Variants in FBLN5 observed in about 807,000 individuals in gnomAD.
FBLN5 encodes fibulin 5.
In FBLN5, 24 loss-of-function variants were observed where a neutral mutation model predicts 61.6. The observed-to-expected ratio is 0.39, with a 90% CI of 0.28 to 0.55. The LOEUF is 0.55. Among genes scored for constraint, FBLN5 ranks in the 20% least tolerant of loss-of-function variants. The probability of loss-of-function intolerance (pLI) is 0.65; values close to 1 mark genes in which losing one functional copy is unlikely to be tolerated. For synonymous variants in FBLN5, 213 were observed against 219.8 expected (o/e 0.97, Z 0.27); for missense variants, 470 against 594.1 (o/e 0.79, Z 2.17).
At chr14:91,877,725 C>T (rs1889239354) in intron 9 of FBLN5, 43 bp from the exon 10 acceptor site, 1 of 1,520,592 alleles carries the variant, frequency 6.6e-7, no homozygotes, top group Admixed American at 1.7e-5. Flanking sequence ...AAATCCATTC[C>T]AGGTGCTGGC....
chr14:91,923,085 A>G (rs1260925089), intron 4 of FBLN5, among the ~76,000 whole-genome samples: 2 of 152,180 alleles, frequency 1.3e-5, no homozygotes, highest in East Asian at 3.9e-4. Flanking sequence ...CCTGGTTGTC[A>G]TAAGCATCTT....
Position 91,947,271 on chromosome 14 carries a change from G to C in FBLN5, c.-42C>G. 2 of 1,613,934 alleles carry C rather than the reference G, an allele frequency of 1.2e-6. No homozygotes were observed. Among genetic ancestry groups the C allele is most frequent in the Non-Finnish European group, 1.7e-6 (2 of 1,179,892 alleles). ...GAGGAGATGCGAAGGCGAGAAGAAA[G>C]CTCGCGGGCGGGACCCCCGGAGGAG... On this transcript the variant is annotated 5_prime_UTR_variant, in exon 1 of 11. Transcript: ENST00000342058. The surrounding 1 kb of genome is among the most constrained non-coding windows in gnomAD (Gnocchi z 4.3).
At chr14:91,893,070 G>A (rs1375778055) in intron 5 of FBLN5, among the ~76,000 whole-genome samples, 2 of 152,040 alleles carry the variant, frequency 1.3e-5, no homozygotes, top group African/African-American at 4.8e-5. Flanking sequence ...GGTATAGCCC[G>A]GTCTCCCCCT....
chr14:91,891,379 C>T (rs1055718757), intron 5 of FBLN5, 42 bp from the exon 6 acceptor site: 3 of 1,208,898 alleles, frequency 2.5e-6, no homozygotes, highest in African/African-American at 3.0e-5. Context: ...GGTCTCCTCA[C>T]TCAATGATGC....
chr14:91,903,696 G>A (rs976528570), intron 4 of FBLN5, among the ~76,000 whole-genome samples: 1 of 152,062 alleles, frequency 6.6e-6, no homozygotes, highest in East Asian at 1.9e-4. Flanking sequence ...CAGTGCCACC[G>A]TTTTCCAGTG....
At chr14:91,891,747 T>C (rs1370093183) in intron 5 of FBLN5, among the ~76,000 whole-genome samples, 3 of 152,182 alleles carry the variant, frequency 2.0e-5, no homozygotes, top group South Asian at 4.1e-4. Context: ...ATTTATCCAA[T>C]GTTAAGATTC....
In FBLN5 at chr14:91,879,481, C is replaced by T. The variant is rs75453861; in HGVS notation, c.990-1799G>A. 7.1e-3 allele frequency among the ~76,000 whole-genome samples: 1,080 copies of T among 152,260 alleles called. 8 individuals are homozygous for T. The highest frequency in any genetic ancestry group is 9.0e-3 in the Non-Finnish European group (609 of 68,024). On this transcript the variant is annotated intron_variant, in intron 9 of 10. Transcript: ENST00000342058. ...ACTGGAGCCTGGAGTGAGGGAGTCA[C>T]GGAGCATTGTCAGCGTCATGCCAGA...
At chr14:91,927,254 A>C (rs1236401809) in intron 4 of FBLN5, among the ~76,000 whole-genome samples, 5 of 152,182 alleles carry the variant, frequency 3.3e-5, no homozygotes, top group Admixed American at 3.3e-4. Flanking sequence ...TGGTATTTTT[A>C]CTTCTTTCAT....
At position 91,907,602 on chromosome 14, in the gene FBLN5, G is replaced by T. The variant is rs947432880; in HGVS notation, c.380-12530C>A. Among the ~76,000 whole-genome samples the T allele has an allele frequency of 2.0e-5, 3 of 152,204 alleles. No homozygotes were observed. In the East Asian group the frequency reaches 5.8e-4, roughly 29 times the overall value. On this transcript the variant is annotated intron_variant, in intron 4 of 10. Transcript: ENST00000342058. The stretch of plus-strand genomic sequence containing the variant: ...AGGAGTGCACAGTGAGAGCTGGGCT[G>T]GGGGTGGAGGATGAGATGGGAGCCC...
chr14:91,905,636 G>A (rs1270377408), intron 4 of FBLN5, among the ~76,000 whole-genome samples: 1 of 150,344 alleles, frequency 6.7e-6, no homozygotes, highest in African/African-American at 2.5e-5. Flanking sequence ...CTGGAGTGCA[G>A]TGGTGTGATC....
At chr14:91,879,275 A>T (rs2267992) in intron 9 of FBLN5, among the ~76,000 whole-genome samples, 101,732 of 151,994 alleles carry the variant, frequency 0.67, 34,475 homozygotes, top group Admixed American at 0.78. Flanking sequence ...ATGGGGCAGG[A>T]CTGGCTATGT....
Position 91,869,912 on chromosome 14 carries a change from CCTAAT to C in FBLN5, c.*307_*311del. 2.6e-6 allele frequency: 1 copy of C among 381,498 alleles called. No individual in the cohort carries two copies. The highest frequency in any genetic ancestry group is 5.1e-6 in the Non-Finnish European group (1 of 197,978). The allele number at this position is 381,498 out of a possible 1,614,324, so 23.6% of individuals were successfully genotyped here. A position where few individuals can be genotyped will look rare whatever the true frequency, so the allele number is the denominator to read the frequency against. ...GAACATAGACTCAGACCCCCGCAAA[CCTAAT>C]CTATTTTCTTTGAAAATAGTGGAAA... On this transcript the variant is annotated 3_prime_UTR_variant, in exon 11 of 11. Coordinates refer to ENST00000342058, the MANE Select transcript of FBLN5 (RefSeq NM_006329.4).
chr14:91,941,017 T>C (rs1246467370), intron 2 of FBLN5, among the ~76,000 whole-genome samples: 1 of 152,172 alleles, frequency 6.6e-6, no homozygotes, highest in Non-Finnish European at 1.5e-5. Context: ...TCAGGGTTTT[T>C]AATGCTGTAG....
chr14:91,940,720 C>T (rs1193260762), intron 2 of FBLN5, 104 bp from the exon 3 acceptor site: 6 of 881,360 alleles, frequency 6.8e-6, no homozygotes, highest in African/African-American at 1.7e-5. Context: ...AAAGAAAGGC[C>T]TCCAAAATAC....
chr14:91,877,777 C>T, intron 9 of FBLN5, 95 bp from the exon 10 acceptor site: 2 of 973,582 alleles, frequency 2.1e-6, no homozygotes, highest in Non-Finnish European at 3.3e-6. Flanking sequence ...ATGAGGCCAC[C>T]CCATTTTTAG....
intron 4 of FBLN5, among the ~76,000 whole-genome samples, chr14:91,930,556 C>T (rs528212275): frequency 3.9e-5 from 6 of 152,322 alleles, no homozygotes; most frequent in South Asian, 2.1e-4. Flanking sequence ...ATCTGTTTCA[C>T]GCATTTTCCT....
intron 4 of FBLN5, among the ~76,000 whole-genome samples, chr14:91,912,278 C>T (rs1295997098): frequency 6.6e-6 from 1 of 152,168 alleles, no homozygotes; most frequent in East Asian, 1.9e-4. Flanking sequence ...GTGAGGATCA[C>T]GTGAGGCCAG....
chr14:91,900,552 A>G lies in FBLN5; in HGVS notation c.380-5480T>C, dbSNP rs559833767. On this transcript the variant is annotated intron_variant, in intron 4 of 10. Transcript: ENST00000342058. ...CATTCTCCAAGCACCAAAGTTTAAAAGAAAAATACACCAAAGGGCTGAGAA... is the reference window on the plus strand; with the variant it reads ...CATTCTCCAAGCACCAAAGTTTAAAGGAAAAATACACCAAAGGGCTGAGAA... 2.2e-4 allele frequency among the ~76,000 whole-genome samples: 33 copies of G among 152,358 alleles called. 1 individual carries two copies. In the South Asian group the frequency reaches 6.4e-3, roughly 30 times the overall value.
rs915072460 is a variant in FBLN5, at chr14:91,947,693, G to A, written c.-464C>T. 6.4e-6 allele frequency: 1 copy of A among 155,844 alleles called. No homozygotes were observed. The highest frequency in any genetic ancestry group is 2.4e-5 in the African/African-American group (1 of 41,436). 9.7% of individuals were successfully genotyped at this position (155,844 alleles called of 1,614,324 possible). A position where few individuals can be genotyped will look rare whatever the true frequency, so the allele number is the denominator to read the frequency against. On this transcript the variant is annotated 5_prime_UTR_variant, in exon 1 of 11. Coordinates refer to ENST00000342058, the MANE Select transcript of FBLN5 (RefSeq NM_006329.4). This position sits in a 1 kb window ranked among gnomAD's most constrained non-coding sequence, Gnocchi z 4.3. The stretch of plus-strand genomic sequence containing the variant: ...TCGGCTGCGAGCGCCCGGGCAGAAG[G>A]CGAGGGGCGGGCGCGCGCAGGGGTG...
Sources: allele counts gnomAD v4.1 joint callset (sites outside exome capture counted in the v4.1 genomes callset), GRCh38; gene constraint gnomAD v4.1.1; non-coding constraint Gnocchi (gnomAD v3.1); transcripts MANE v1.5; gene names NCBI Gene and HGNC (gene_info 2026-07-23, HGNC 2026-07-21).